The following CDK6 variants were observed in gnomAD, a reference collection of about 807,000 sequenced individuals.
CDK6 encodes the protein cyclin dependent kinase 6.
A neutral mutation model predicts 37.1 loss-of-function variants in CDK6; 6 were observed. The observed-to-expected ratio is 0.16, with a 90% CI of 0.09 to 0.32. The LOEUF (loss-of-function observed/expected upper bound fraction) is 0.32, where lower values mean the gene tolerates loss of function less well. Ranked by LOEUF, CDK6 falls within the 10% of genes least tolerant of loss-of-function variation. The pLI is 1.00. For synonymous variants in CDK6, 160 were observed against 161.3 expected, an observed-to-expected ratio of 0.99 and a Z score of 0.06; for missense variants, 224 against 418.9, an observed-to-expected ratio of 0.53 and a Z score of 4.06.
intron 4 of CDK6, among the ~76,000 whole-genome samples, chr7:92,687,207 C>T (rs1230738725): frequency 6.6e-6 from 1 of 152,214 alleles, no homozygotes; most frequent in Non-Finnish European, 1.5e-5. Flanking sequence ...CTGCAGTACA[C>T]CTCTCTTACA....
chr7:92,806,583 A>G (rs1800730402), intron 2 of CDK6, among the ~76,000 whole-genome samples: 1 of 152,178 alleles, frequency 6.6e-6, no homozygotes, highest in South Asian at 2.1e-4. Flanking sequence ...CCACTTACCT[A>G]TACATTTAAA....
At chr7:92,695,725 G>A (rs1258034142) in intron 4 of CDK6, among the ~76,000 whole-genome samples, 1 of 152,232 alleles carries the variant, frequency 6.6e-6, no homozygotes, top group Non-Finnish European at 1.5e-5. Context: ...TTGGGACGAG[G>A]TGGCTGGGAG....
intron 2 of CDK6, among the ~76,000 whole-genome samples, chr7:92,806,334 G>A (rs6976387): frequency 0.15 from 23,053 of 152,094 alleles, 2,976 homozygotes; most frequent in African/African-American, 0.35. Context: ...GACTATCAAA[G>A]ACGCCCGTTA....
At chr7:92,719,823 G>T (rs189535164) in intron 4 of CDK6, among the ~76,000 whole-genome samples, 63 of 152,282 alleles carry the variant, frequency 4.1e-4, no homozygotes, top group African/African-American at 1.4e-3. Context: ...CTGTCCTGGG[G>T]AGTGGCTGGC....
At chr7:92,625,611 A>C (rs1268106216) in intron 5 of CDK6, among the ~76,000 whole-genome samples, 2 of 152,008 alleles carry the variant, frequency 1.3e-5, no homozygotes, top group African/African-American at 4.8e-5. Context: ...CAGTGAGATA[A>C]ATTTTCTCAG....
chr7:92,827,148 T>C (rs1455711010), intron 2 of CDK6, among the ~76,000 whole-genome samples: 1 of 152,172 alleles, frequency 6.6e-6, no homozygotes, highest in Non-Finnish European at 1.5e-5. Context: ...TTTGCATTCA[T>C]AAAACAACTC....
At chr7:92,836,009 G>A (rs112432868) in intron 1 of CDK6, among the ~76,000 whole-genome samples, 15 of 152,310 alleles carry the variant, frequency 9.8e-5, no homozygotes, top group African/African-American at 3.4e-4. Flanking sequence ...ACACCTCAGC[G>A]AGCTGGAGAG....
In CDK6 at chr7:92,614,457, TCTC is replaced by T; in HGVS notation, c.*680_*682del. Reference sequence around the variant, plus strand: ...TCTCTTAAAATATACTAGAATTTTTTCTCCTTTTTGCTGTGTGTATAAAACTTC... The same window carrying T: ...TCTCTTAAAATATACTAGAATTTTTTCTTTTTGCTGTGTGTATAAAACTTC... On this transcript the variant is annotated 3_prime_UTR_variant, in exon 8 of 8. Coordinates refer to ENST00000424848, the MANE Select transcript of CDK6 (RefSeq NM_001145306.2). The T allele has an allele frequency of 8.6e-6, 2 of 233,192 alleles. No homozygotes were observed. The highest frequency in any genetic ancestry group is 1.7e-5 in the Non-Finnish European group (2 of 118,006). The allele number at this position is 233,192 out of a possible 1,614,324, so 14.4% of individuals were successfully genotyped here.
At chr7:92,817,186 G>A (rs1005531376) in intron 2 of CDK6, among the ~76,000 whole-genome samples, 3 of 151,742 alleles carry the variant, frequency 2.0e-5, no homozygotes, top group Non-Finnish European at 2.9e-5. Context: ...TTCTCAACTC[G>A]TTTTATGAAG....
intron 5 of CDK6, chr7:92,671,192 T>C (rs1410141676): frequency 2.9e-6 from 1 of 343,982 alleles, no homozygotes; most frequent in East Asian, 4.4e-5. Flanking sequence ...ATAAGAACAG[T>C]GGGGTATTCC....
At chr7:92,696,465 T>TATATGTGTATATGTA (rs1797721390) in intron 4 of CDK6, among the ~76,000 whole-genome samples, 2 of 152,208 alleles carry the variant, frequency 1.3e-5, no homozygotes, top group African/African-American at 4.8e-5. Context: ...CTACAAAATC[T>TATATGTGTATATGTA]TACCATATAT....
chr7:92,636,012 C>T (rs768839422), intron 5 of CDK6, among the ~76,000 whole-genome samples: 1 of 151,926 alleles, frequency 6.6e-6, no homozygotes, highest in African/African-American at 2.4e-5. Flanking sequence ...GCAATCTATC[C>T]GTAGCACATT....
chr7:92,634,728 T>A (rs1223860688), intron 5 of CDK6, among the ~76,000 whole-genome samples: 1 of 152,154 alleles, frequency 6.6e-6, no homozygotes, highest in East Asian at 1.9e-4. Flanking sequence ...AGTTTTATAG[T>A]TTTCTTGATA....
intron 2 of CDK6, among the ~76,000 whole-genome samples, chr7:92,775,853 G>A (rs752958318): frequency 1.7e-4 from 26 of 152,014 alleles, no homozygotes; most frequent in Non-Finnish European, 2.8e-4. Flanking sequence ...AATGTGCATA[G>A]AGTCCAATAA....
chr7:92,634,038 T>C (rs1360281519), intron 5 of CDK6, among the ~76,000 whole-genome samples: 1 of 152,146 alleles, frequency 6.6e-6, no homozygotes, highest in Non-Finnish European at 1.5e-5. Context: ...TGAACAAAAG[T>C]TTTCAATTTT....
Position 92,608,404 on chromosome 7 carries a change from G to A in CDK6, c.*6736C>T. 1 of 231,430 alleles carries A rather than the reference G, an allele frequency of 4.3e-6. No homozygotes were observed. The highest frequency in any genetic ancestry group is 8.5e-6 in the Non-Finnish European group (1 of 116,998). 14.3% of individuals were successfully genotyped at this position (231,430 alleles called of 1,614,324 possible). A position where few individuals can be genotyped will look rare whatever the true frequency, so the allele number is the denominator to read the frequency against. On this transcript the variant is annotated 3_prime_UTR_variant, in exon 8 of 8. Transcript: ENST00000424848. The stretch of plus-strand genomic sequence containing the variant: ...AAGAAACTGGAAGCTAAAGAATTGA[G>A]AGCTTTTGCCAACTGAAGACGAAGC...
intron 2 of CDK6, among the ~76,000 whole-genome samples, chr7:92,827,995 A>G (rs1465236237): frequency 1.3e-5 from 2 of 152,170 alleles, no homozygotes; most frequent in African/African-American, 4.8e-5. Context: ...ATAATGTGCC[A>G]GAGCCACATT....
At chr7:92,718,665 A>G (rs1798293334) in intron 4 of CDK6, among the ~76,000 whole-genome samples, 2 of 152,194 alleles carry the variant, frequency 1.3e-5, no homozygotes, top group South Asian at 4.1e-4. Flanking sequence ...CGCGTTCAAC[A>G]GGAGGATGCT....
chr7:92,610,627 A>C lies in CDK6; in HGVS notation c.*4513T>G, dbSNP rs1300649787. ...CATTGATATAGAAAGGGAGTAAATA[A>C]GAAATGAAAATGCTAGTTTCTCATG... On this transcript the variant is annotated 3_prime_UTR_variant, in exon 8 of 8. Transcript: ENST00000424848. 4.4e-6 allele frequency: 1 copy of C among 227,934 alleles called. No homozygotes were observed. Among genetic ancestry groups the C allele is most frequent in the East Asian group, 6.3e-5 (1 of 15,800 alleles). The allele number at this position is 227,934 out of a possible 1,614,324, so 14.1% of individuals were successfully genotyped here. A position where few individuals can be genotyped will look rare whatever the true frequency, so the allele number is the denominator to read the frequency against.
Sources: gnomAD v4.1 joint callset for allele counts (sites outside exome capture counted in the v4.1 genomes callset) on GRCh38, gnomAD v4.1.1 for gene constraint, MANE v1.5 for transcripts, NCBI Gene and HGNC (gene_info 2026-07-23, HGNC 2026-07-21) for gene names.